UNC5C: variants seen among roughly 807,000 people sequenced by gnomAD.
UNC5C encodes the protein unc-5 netrin receptor C.
UNC5C carries 47 observed loss-of-function variants against 99.8 expected under a neutral mutation model. The observed-to-expected ratio is 0.47, with a 90% CI of 0.37 to 0.60. The LOEUF is 0.60. Ranked by LOEUF, UNC5C falls within the 20% of genes least tolerant of loss-of-function variation. The probability of loss-of-function intolerance (pLI) is 0.00; values close to 1 mark genes in which losing one functional copy is unlikely to be tolerated. For synonymous variants in UNC5C, 487 were observed against 452.2 expected, an observed-to-expected ratio of 1.08 and a Z score of -0.98; for missense variants, 1,062 against 1,165.9, an observed-to-expected ratio of 0.91 and a Z score of 1.30.
At chr4:95,477,919 T>G (rs1047138539) in intron 1 of UNC5C, among the ~76,000 whole-genome samples, 4 of 152,026 alleles carry the variant, frequency 2.6e-5, no homozygotes, top group African/African-American at 7.2e-5. Context: ...GTAGCCTGTC[T>G]CTGGGACCAA....
intron 1 of UNC5C, among the ~76,000 whole-genome samples, chr4:95,462,042 T>C (rs551453066): frequency 2.6e-5 from 4 of 151,366 alleles, no homozygotes; most frequent in African/African-American, 9.7e-5. Flanking sequence ...GAGCCTTGGG[T>C]TTTTTTTTAG....
chr4:95,278,461 C>CT (rs1266465966), intron 3 of UNC5C, 99 bp from the exon 4 acceptor site: 37 of 847,590 alleles, frequency 4.4e-5, no homozygotes, highest in Non-Finnish European at 6.0e-5. Context: ...TTTATCTGTG[C>CT]TTTTTTTTCT....
At chr4:95,339,139 T>C (rs1259251475) in intron 1 of UNC5C, among the ~76,000 whole-genome samples, 1 of 152,112 alleles carries the variant, frequency 6.6e-6, no homozygotes, top group Non-Finnish European at 1.5e-5. Context: ...TTAGCTATTT[T>C]CTAAAGGAAA....
At chr4:95,420,710 G>C (rs1746294620) in intron 1 of UNC5C, among the ~76,000 whole-genome samples, 1 of 152,054 alleles carries the variant, frequency 6.6e-6, no homozygotes. Flanking sequence ...TTCACAGGGG[G>C]CATCTGTGGC....
intron 1 of UNC5C, among the ~76,000 whole-genome samples, chr4:95,381,354 C>A (rs1745066559): frequency 6.6e-6 from 1 of 152,138 alleles, no homozygotes; most frequent in African/African-American, 2.4e-5. Flanking sequence ...CACAGCAGAT[C>A]TGGTATGAAA....
At position 95,320,598 on chromosome 4, in the gene UNC5C, C is replaced by A. The variant is rs559556750; in HGVS notation, c.346+14812G>T. Among the ~76,000 whole-genome samples the A allele has an allele frequency of 2.0e-4, 31 of 152,276 alleles. 1 individual carries two copies. In the South Asian group the frequency reaches 5.4e-3, roughly 26 times the overall value. On this transcript the variant is annotated intron_variant, in intron 2 of 15. Transcript: ENST00000453304. ...TCAGGCCACAGCATATGCACGGTTG[C>A]TGAGCATGTGGCAAAATTGCTATAG...
In UNC5C at chr4:95,165,373, C is replaced by T. The variant is rs1241856197; in HGVS notation, c.*3861G>A. ...CACCTCACCCAAAAGTTGTCCAGTT[C>T]TTGAAGAGCCTAACTTGCTCACAGC... On this transcript the variant is annotated 3_prime_UTR_variant, in exon 16 of 16. Transcript: ENST00000453304. The T allele has an allele frequency of 6.6e-6, 1 of 152,172 alleles. No individual in the cohort carries two copies. The highest frequency in any genetic ancestry group is 1.5e-5 in the Non-Finnish European group (1 of 68,040). The allele number at this position is 152,172 out of a possible 1,614,324, so 9.4% of individuals were successfully genotyped here.
chr4:95,218,505 T>C (rs1214327327), intron 9 of UNC5C, among the ~76,000 whole-genome samples: 2 of 152,234 alleles, frequency 1.3e-5, no homozygotes, highest in Non-Finnish European at 2.9e-5. Context: ...CAAGTTAGGT[T>C]AATAAATGAA....
intron 1 of UNC5C, among the ~76,000 whole-genome samples, chr4:95,349,540 T>TTGAAAA (rs1177935507): frequency 7.9e-5 from 12 of 151,460 alleles, no homozygotes; most frequent in Non-Finnish European, 1.6e-4. Flanking sequence ...AATCCTAGAT[T>TTGAAAA]ATCAGTGATT....
At chr4:95,369,937 G>A (rs1744695575) in intron 1 of UNC5C, among the ~76,000 whole-genome samples, 2 of 150,952 alleles carry the variant, frequency 1.3e-5, no homozygotes, top group East Asian at 3.9e-4. Context: ...ATCATATTGT[G>A]TTCCCAGAAT....
At chr4:95,205,063 C>G (rs1320898728) in intron 11 of UNC5C, among the ~76,000 whole-genome samples, 1 of 152,100 alleles carries the variant, frequency 6.6e-6, no homozygotes, top group African/African-American at 2.4e-5. Flanking sequence ...TCCGGTATCC[C>G]CTAGTGGTGA....
At chr4:95,377,506 G>T (rs897233903) in intron 1 of UNC5C, among the ~76,000 whole-genome samples, 2 of 152,268 alleles carry the variant, frequency 1.3e-5, no homozygotes, top group Admixed American at 6.5e-5. Context: ...CATGGATTCT[G>T]ATCTTTTCTG....
chr4:95,379,855 G>C (rs533668894), intron 1 of UNC5C, among the ~76,000 whole-genome samples: 3 of 152,136 alleles, frequency 2.0e-5, no homozygotes, highest in Non-Finnish European at 4.4e-5. Flanking sequence ...TGGCTGCGCT[G>C]CCTCAGGCTT....
intron 1 of UNC5C, among the ~76,000 whole-genome samples, chr4:95,463,309 G>C (rs10516973): frequency 0.03 from 4,612 of 152,250 alleles, 213 homozygotes; most frequent in African/African-American, 0.1. Context: ...CCGCTAAGAG[G>C]AAGGGCGTTC....
chr4:95,318,233 G>A (rs1245219391), intron 2 of UNC5C, among the ~76,000 whole-genome samples: 8 of 152,102 alleles, frequency 5.3e-5, no homozygotes, highest in Admixed American at 5.2e-4. Context: ...CAGAGAGGAA[G>A]ACAGATGTGG....
intron 12 of UNC5C, among the ~76,000 whole-genome samples, chr4:95,193,547 C>T (rs184868907): frequency 3.7e-4 from 57 of 152,296 alleles, no homozygotes; most frequent in African/African-American, 1.3e-3. Flanking sequence ...TAAAAAAAAT[C>T]ACATCTGCCA....
intron 4 of UNC5C, among the ~76,000 whole-genome samples, chr4:95,271,634 T>A (rs1336858934): frequency 2.0e-5 from 3 of 152,226 alleles, no homozygotes; most frequent in Admixed American, 1.3e-4. Context: ...TCTGAAAGAC[T>A]AAATATTTTC....
intron 10 of UNC5C, among the ~76,000 whole-genome samples, chr4:95,207,935 C>T (rs1007908124): frequency 6.6e-6 from 1 of 152,200 alleles, no homozygotes; most frequent in African/African-American, 2.4e-5. Context: ...TGATGCTACA[C>T]TGTTTCATAT....
chr4:95,480,135 C>T (rs956724978), intron 1 of UNC5C, among the ~76,000 whole-genome samples: 6 of 151,360 alleles, frequency 4.0e-5, no homozygotes, highest in Admixed American at 3.3e-4. Context: ...ACTTCTCAGT[C>T]TCTATAACTG....
Sources: gnomAD v4.1 joint callset for allele counts (sites outside exome capture counted in the v4.1 genomes callset) on GRCh38, gnomAD v4.1.1 for gene constraint, MANE v1.5 for transcripts, NCBI Gene and HGNC (gene_info 2026-07-23, HGNC 2026-07-21) for gene names.